Variants in ADAMTS19 observed in about 807,000 individuals in gnomAD.
ADAMTS19 encodes the protein ADAM metallopeptidase with thrombospondin type 1 motif 19.
ADAMTS19 carries 93 observed loss-of-function variants against 153.3 expected under a neutral mutation model. That is an observed-to-expected ratio of 0.61 (90% confidence interval 0.51 to 0.72). ADAMTS19 has a LOEUF of 0.72. Among genes scored for constraint, ADAMTS19 ranks in the 30% least tolerant of loss-of-function variants. The pLI, the probability that ADAMTS19 is intolerant of heterozygous loss-of-function variation, is 0.00. For synonymous variants in ADAMTS19, 600 were observed against 556.6 expected (o/e 1.08, Z -1.10); for missense variants, 1,482 against 1,552.1 (o/e 0.95, Z 0.76).
At chr5:129,503,261 A>G (rs931489818) in intron 2 of ADAMTS19, among the ~76,000 whole-genome samples, 5 of 152,148 alleles carry the variant, frequency 3.3e-5, no homozygotes, top group Non-Finnish European at 5.9e-5. Flanking sequence ...CATTGAAAGG[A>G]TCATCAGGAA....
intron 20 of ADAMTS19, among the ~76,000 whole-genome samples, chr5:129,702,142 ACTCATTGCACC>A (rs1755894956): frequency 1.3e-5 from 2 of 152,150 alleles, no homozygotes; most frequent in Non-Finnish European, 2.9e-5. Flanking sequence ...AGGTTGTTTA[ACTCATTGCACC>A]CTCCCAACCC....
At chr5:129,692,818 C>T (rs75599280) in intron 18 of ADAMTS19, among the ~76,000 whole-genome samples, 6,732 of 152,206 alleles carry the variant, frequency 0.044, 458 homozygotes, top group African/African-American at 0.15. Context: ...CTCCCCATTG[C>T]TGGCCCACCA....
At chr5:129,693,874 T>C (rs1210895990) in intron 18 of ADAMTS19, among the ~76,000 whole-genome samples, 2 of 152,130 alleles carry the variant, frequency 1.3e-5, no homozygotes, top group East Asian at 3.9e-4. Context: ...ATGACAATCA[T>C]TTGGGTAAAG....
intron 8 of ADAMTS19, among the ~76,000 whole-genome samples, chr5:129,604,705 G>T (rs1750810658): frequency 6.6e-6 from 1 of 152,184 alleles, no homozygotes. Context: ...CAAAACAGAT[G>T]CTGTATGCAT....
At chr5:129,567,253 C>T (rs1753749683) in intron 7 of ADAMTS19, among the ~76,000 whole-genome samples, 1 of 152,056 alleles carries the variant, frequency 6.6e-6, no homozygotes, top group Non-Finnish European at 1.5e-5. Context: ...AATTAACATT[C>T]TTCATAAGAT....
intron 18 of ADAMTS19, among the ~76,000 whole-genome samples, chr5:129,690,519 A>T (rs1420286210): frequency 6.6e-6 from 1 of 152,208 alleles, no homozygotes; most frequent in African/African-American, 2.4e-5. Context: ...GAACAAAGCA[A>T]AGTAAATTAT....
chr5:129,477,030 T>C (rs1750249811), intron 2 of ADAMTS19, among the ~76,000 whole-genome samples: 1 of 152,164 alleles, frequency 6.6e-6, no homozygotes, highest in Admixed American at 6.5e-5. Flanking sequence ...AGTCTTTTGC[T>C]TTAGAATAAT....
chr5:129,569,122 A>T (rs938828509), intron 7 of ADAMTS19, among the ~76,000 whole-genome samples: 1 of 152,100 alleles, frequency 6.6e-6, no homozygotes, highest in Non-Finnish European at 1.5e-5. Flanking sequence ...GATGAAAAAG[A>T]TATACTGTGG....
intron 10 of ADAMTS19, among the ~76,000 whole-genome samples, chr5:129,623,233 C>G (rs934336981): frequency 6.6e-6 from 1 of 152,080 alleles, no homozygotes; most frequent in Non-Finnish European, 1.5e-5. Context: ...TCAGAGAGAA[C>G]AGTAGTGTTA....
chr5:129,649,028 G>A, intron 13 of ADAMTS19, 58 bp downstream of exon 13: 1 of 1,451,372 alleles, frequency 6.9e-7, no homozygotes. Flanking sequence ...TTTGCGAAGT[G>A]TTTTTACAAT....
chr5:129,685,165 A>C (rs1003127946), intron 18 of ADAMTS19, among the ~76,000 whole-genome samples: 1 of 152,060 alleles, frequency 6.6e-6, no homozygotes, highest in African/African-American at 2.4e-5. Context: ...GGATATTTTT[A>C]AATGCCAACT....
chr5:129,481,592 T>A (rs1262077067), intron 2 of ADAMTS19, among the ~76,000 whole-genome samples: 3 of 152,212 alleles, frequency 2.0e-5, no homozygotes, highest in Admixed American at 6.5e-5. Context: ...ACTGTTACAT[T>A]TCTTAACAAT....
chr5:129,590,800 G>A (rs1750097218), intron 7 of ADAMTS19, among the ~76,000 whole-genome samples: 1 of 151,980 alleles, frequency 6.6e-6, no homozygotes, highest in South Asian at 2.1e-4. Flanking sequence ...TATTATCTGG[G>A]TACCATTCTT....
chr5:129,514,839 T>G (rs1581026341), intron 3 of ADAMTS19, among the ~76,000 whole-genome samples: 1 of 152,038 alleles, frequency 6.6e-6, no homozygotes, highest in Non-Finnish European at 1.5e-5. Flanking sequence ...GTGCTTGTAG[T>G]GTATTACTCA....
chr5:129,463,210 T>C (rs2126635998), intron 2 of ADAMTS19, among the ~76,000 whole-genome samples: 1 of 152,292 alleles, frequency 6.6e-6, no homozygotes, highest in South Asian at 2.1e-4. Flanking sequence ...AAGTTCCTGG[T>C]GTGGTAGTAG....
chr5:129,460,323 G>A lies in ADAMTS19; in HGVS notation c.-69G>A. Reference sequence around the variant, plus strand: ...GGCCTCCTAGCGCTCCGGGGAGGCCGCTGCGCCCCGGAGTGGATCGCGCTG... The same window carrying A: ...GGCCTCCTAGCGCTCCGGGGAGGCCACTGCGCCCCGGAGTGGATCGCGCTG... On this transcript the variant is annotated 5_prime_UTR_variant, in exon 1 of 23. Transcript: ENST00000274487. 8.1e-7 allele frequency: 1 copy of A among 1,241,752 alleles called. No individual in the cohort carries two copies. The highest frequency in any genetic ancestry group is 1.1e-6 in the Non-Finnish European group (1 of 904,506). 76.9% of individuals were successfully genotyped at this position (1,241,752 alleles called of 1,614,324 possible). A position where few individuals can be genotyped will look rare whatever the true frequency, so the allele number is the denominator to read the frequency against.
At chr5:129,478,578 G>C (rs1418961949) in intron 2 of ADAMTS19, among the ~76,000 whole-genome samples, 1 of 152,098 alleles carries the variant, frequency 6.6e-6, no homozygotes, top group Non-Finnish European at 1.5e-5. Flanking sequence ...ACAGGGTCTT[G>C]CTCTGTCATC....
At chr5:129,702,504 A>G (rs1278654919) in intron 20 of ADAMTS19, among the ~76,000 whole-genome samples, 1 of 152,184 alleles carries the variant, frequency 6.6e-6, no homozygotes, top group African/African-American at 2.4e-5. Context: ...AACATAGCTT[A>G]GATAATACAG....
chr5:129,688,684 A>C (rs965710593), intron 18 of ADAMTS19, among the ~76,000 whole-genome samples: 4 of 152,190 alleles, frequency 2.6e-5, no homozygotes, highest in African/African-American at 9.6e-5. Flanking sequence ...TACATATATA[A>C]GTTATCACAC....
Sources: gnomAD v4.1 joint callset for allele counts (sites outside exome capture counted in the v4.1 genomes callset) on GRCh38, gnomAD v4.1.1 for gene constraint, MANE v1.5 for transcripts, NCBI Gene and HGNC (gene_info 2026-07-23, HGNC 2026-07-21) for gene names.